SGCZ: variants seen among roughly 807,000 people sequenced by gnomAD.
SGCZ encodes sarcoglycan zeta.
A neutral mutation model predicts 41.3 loss-of-function variants in SGCZ; 40 were observed. The observed-to-expected ratio is 0.97, with a 90% CI of 0.75 to 1.26. SGCZ has a LOEUF of 1.26. SGCZ is among the 50% of genes most tolerant of loss of function. The pLI is 0.00. For synonymous variants in SGCZ, 206 were observed against 137.5 expected, an observed-to-expected ratio of 1.50 and a Z score of -3.49; for missense variants, 552 against 369.8, an observed-to-expected ratio of 1.49 and a Z score of -4.04.
chr8:14,750,188 A>T (rs1012401391), intron 1 of SGCZ, among the ~76,000 whole-genome samples: 2 of 152,120 alleles, frequency 1.3e-5, no homozygotes, highest in Non-Finnish European at 2.9e-5. Context: ...GGGAAGAAAC[A>T]TAAGCAGATG....
intron 1 of SGCZ, among the ~76,000 whole-genome samples, chr8:14,686,463 A>T (rs1808614826): frequency 6.6e-6 from 1 of 152,140 alleles, no homozygotes; most frequent in African/African-American, 2.4e-5. Context: ...ATCTGAAAAT[A>T]AACTAGGAGT....
chr8:14,880,745 T>A (rs990394205), intron 1 of SGCZ, among the ~76,000 whole-genome samples: 1 of 151,958 alleles, frequency 6.6e-6, no homozygotes, highest in African/African-American at 2.4e-5. Flanking sequence ...TAGGTGGGAA[T>A]TGAACATTGA....
chr8:14,268,580 A>G (rs1585301863), intron 3 of SGCZ, among the ~76,000 whole-genome samples: 1 of 151,986 alleles, frequency 6.6e-6, no homozygotes, highest in South Asian at 2.1e-4. Context: ...TAGTATTTAA[A>G]CAAGTATTGG....
intron 3 of SGCZ, among the ~76,000 whole-genome samples, chr8:14,250,782 A>G (rs1799255249): frequency 6.6e-6 from 1 of 152,110 alleles, no homozygotes; most frequent in Admixed American, 6.6e-5. Context: ...CAGCGCTCCT[A>G]TGCACCCAAG....
intron 1 of SGCZ, among the ~76,000 whole-genome samples, chr8:14,958,781 C>T (rs7824031): frequency 0.64 from 97,088 of 151,730 alleles, 31,989 homozygotes; most frequent in East Asian, 0.83. Flanking sequence ...AATATTTAGG[C>T]GGAAACACAC....
chr8:15,114,944 G>T (rs946641646), intron 1 of SGCZ, among the ~76,000 whole-genome samples: 3 of 151,986 alleles, frequency 2.0e-5, no homozygotes, highest in Non-Finnish European at 4.4e-5. Context: ...TTAAAGACAA[G>T]CATATGGGCC....
intron 2 of SGCZ, among the ~76,000 whole-genome samples, chr8:14,512,412 AT>A (rs764208561): frequency 3.3e-5 from 5 of 152,048 alleles, no homozygotes; most frequent in Non-Finnish European, 7.4e-5. Context: ...CTCTTCATCC[AT>A]AGCTCCTTGT....
At chr8:14,582,405 A>C (rs1321051956) in intron 1 of SGCZ, among the ~76,000 whole-genome samples, 1 of 152,168 alleles carries the variant, frequency 6.6e-6, no homozygotes, top group Non-Finnish European at 1.5e-5. Context: ...ATATTTACAC[A>C]CATAAATACA....
chr8:14,213,161 C>T (rs989253738), intron 4 of SGCZ, among the ~76,000 whole-genome samples: 2 of 152,016 alleles, frequency 1.3e-5, no homozygotes, highest in African/African-American at 4.8e-5. Context: ...AAAGAATAGA[C>T]AAAATCTTTC....
At chr8:14,345,813 C>G (rs1802873985) in intron 2 of SGCZ, among the ~76,000 whole-genome samples, 3 of 152,084 alleles carry the variant, frequency 2.0e-5, no homozygotes, top group Admixed American at 1.3e-4. Context: ...AGACCAAACT[C>G]CATCCCTTCC....
chr8:14,803,954 C>T (rs1450109480), intron 1 of SGCZ, among the ~76,000 whole-genome samples: 1 of 119,304 alleles, frequency 8.4e-6, no homozygotes. Flanking sequence ...GGGAGGCACC[C>T]CACAGCATGG....
At chr8:15,097,826 ATATATATACGTGTGTG>A (rs1162014379) in intron 1 of SGCZ, among the ~76,000 whole-genome samples, 28 of 78,902 alleles carry the variant, frequency 3.5e-4, no homozygotes, top group African/African-American at 9.1e-4. Context: ...GTGTGTGTAT[ATATATATACGTGTGTG>A]TATATATATA....
At chr8:14,234,125 T>C (rs1806672001) in intron 4 of SGCZ, among the ~76,000 whole-genome samples, 1 of 152,040 alleles carries the variant, frequency 6.6e-6, no homozygotes, top group African/African-American at 2.4e-5. Flanking sequence ...ACAGAAAATA[T>C]CTGTCAAATT....
At chr8:15,123,724 A>G (rs747381345) in intron 1 of SGCZ, among the ~76,000 whole-genome samples, 3 of 152,234 alleles carry the variant, frequency 2.0e-5, no homozygotes, top group Non-Finnish European at 4.4e-5. Flanking sequence ...ACCTACCCTT[A>G]TACTTTCTCC....
chr8:14,904,712 T>A (rs1374499939), intron 1 of SGCZ, among the ~76,000 whole-genome samples: 10 of 152,052 alleles, frequency 6.6e-5, no homozygotes, highest in Non-Finnish European at 1.3e-4. Flanking sequence ...ATATTCTCTA[T>A]CTATATTTTA....
intron 2 of SGCZ, among the ~76,000 whole-genome samples, chr8:14,413,743 A>G (rs574485572): frequency 6.6e-6 from 1 of 152,048 alleles, no homozygotes; most frequent in South Asian, 2.1e-4. Flanking sequence ...CTTGCTTGTC[A>G]TCTGTCATCC....
chr8:14,344,702 G>T (rs905774363), intron 2 of SGCZ, among the ~76,000 whole-genome samples: 2 of 151,938 alleles, frequency 1.3e-5, no homozygotes, highest in African/African-American at 4.8e-5. Context: ...TGAATAACTA[G>T]AATTAATATA....
At chr8:14,685,281 T>A (rs927622525) in intron 1 of SGCZ, among the ~76,000 whole-genome samples, 1 of 152,120 alleles carries the variant, frequency 6.6e-6, no homozygotes, top group Non-Finnish European at 1.5e-5. Flanking sequence ...TGTGGTATTT[T>A]GGGGTGGACA....
intron 1 of SGCZ, among the ~76,000 whole-genome samples, chr8:15,147,994 T>G (rs2117011571): frequency 6.6e-6 from 1 of 152,308 alleles, no homozygotes; most frequent in African/African-American, 2.4e-5. Context: ...AAACCTAAAC[T>G]TCCATTGTGG....
Sources: gnomAD v4.1 joint callset for allele counts (sites outside exome capture counted in the v4.1 genomes callset) on GRCh38, gnomAD v4.1.1 for gene constraint, MANE v1.5 for transcripts, NCBI Gene and HGNC (gene_info 2026-07-23, HGNC 2026-07-21) for gene names.